The following PHACTR1 variants were observed in gnomAD, a reference collection of about 807,000 sequenced individuals.
PHACTR1 encodes RPEL repeat containing 1.
PHACTR1 carries 16 observed loss-of-function variants against 69.2 expected under a neutral mutation model. The ratio of observed to expected loss-of-function variants is 0.23; its 90% CI spans 0.16 to 0.35. The LOEUF is 0.35. PHACTR1 is among the 10% of genes least tolerant of loss of function. PHACTR1 has a pLI of 1.00. For synonymous variants in PHACTR1, 312 were observed against 284.5 expected, an observed-to-expected ratio of 1.10 and a Z score of -0.97; for missense variants, 510 against 734.7, an observed-to-expected ratio of 0.69 and a Z score of 3.54.
intron 8 of PHACTR1, among the ~76,000 whole-genome samples, chr6:13,212,338 C>T (rs907007870): frequency 6.6e-6 from 1 of 152,152 alleles, no homozygotes. Flanking sequence ...AAGCAAAATC[C>T]TCCCCATGGC....
intron 3 of PHACTR1, among the ~76,000 whole-genome samples, chr6:12,738,416 A>C (rs1168405399): frequency 6.6e-6 from 1 of 152,194 alleles, no homozygotes; most frequent in African/African-American, 2.4e-5. Context: ...TAAGGCCATG[A>C]AAATATCCCA....
rs1193950496 is a variant in PHACTR1, at chr6:12,753,970, A to ATT, written c.250+4189_250+4190dup. 9.3e-3 allele frequency among the ~76,000 whole-genome samples: 1,254 copies of ATT among 134,434 alleles called. 8 individuals are homozygous for ATT. The highest frequency in any genetic ancestry group is 0.062 in the Middle Eastern group (16 of 258). The allele number at this position is 134,434 out of a possible 152,430, so 88.2% of individuals were successfully genotyped here. A position where few individuals can be genotyped will look rare whatever the true frequency, so the allele number is the denominator to read the frequency against. On this transcript the variant is annotated intron_variant, in intron 4 of 14. Coordinates refer to ENST00000332995, the MANE Select transcript of PHACTR1 (RefSeq NM_030948.6). ...TATATATATATATATATATATATAT[A>ATT]TTTTTTTTTTGAGACAGAGTCTCAC...
chr6:13,175,935 G>A (rs953439772), intron 6 of PHACTR1, among the ~76,000 whole-genome samples: 3 of 152,120 alleles, frequency 2.0e-5, no homozygotes, highest in African/African-American at 7.2e-5. Context: ...GAAAGTCTGA[G>A]TCTGGAGTCA....
At chr6:13,002,316 T>A (rs912967230) in intron 4 of PHACTR1, among the ~76,000 whole-genome samples, 1 of 152,234 alleles carries the variant, frequency 6.6e-6, no homozygotes, top group Non-Finnish European at 1.5e-5. Context: ...TGTCCACTTT[T>A]TTTTGGTTAG....
intron 7 of PHACTR1, among the ~76,000 whole-genome samples, chr6:13,204,754 G>T (rs12526983): frequency 6.6e-6 from 1 of 152,048 alleles, no homozygotes; most frequent in Admixed American, 6.5e-5. Context: ...CCCAAGCCAG[G>T]ATCTGCAAAA....
At chr6:12,732,939 A>G (rs1763736068) in intron 3 of PHACTR1, among the ~76,000 whole-genome samples, 1 of 152,224 alleles carries the variant, frequency 6.6e-6, no homozygotes, top group Non-Finnish European at 1.5e-5. Flanking sequence ...TACTAGACAG[A>G]GTCTCTGACT....
At chr6:13,201,102 C>A (rs1386928405) in intron 7 of PHACTR1, among the ~76,000 whole-genome samples, 15 of 152,152 alleles carry the variant, frequency 9.9e-5, no homozygotes, top group Non-Finnish European at 1.9e-4. Flanking sequence ...TCCATCATTG[C>A]CCAGCCTCAG....
At chr6:12,877,180 A>G (rs1245008283) in intron 4 of PHACTR1, among the ~76,000 whole-genome samples, 1 of 152,204 alleles carries the variant, frequency 6.6e-6, no homozygotes. Context: ...GACACGACAC[A>G]TAGAATTAAC....
intron 5 of PHACTR1, among the ~76,000 whole-genome samples, chr6:13,129,367 A>G (rs1463722036): frequency 6.6e-6 from 1 of 152,184 alleles, no homozygotes; most frequent in African/African-American, 2.4e-5. Flanking sequence ...TAATGGCAGA[A>G]TGAATAAAAA....
intron 7 of PHACTR1, among the ~76,000 whole-genome samples, chr6:13,186,041 T>A (rs185176389): frequency 5.4e-4 from 83 of 152,354 alleles, no homozygotes; most frequent in Admixed American, 5.0e-3. Context: ...TAAGAGTCCA[T>A]CTTAGACATG....
At chr6:12,846,142 A>C (rs1205814124) in intron 4 of PHACTR1, among the ~76,000 whole-genome samples, 2 of 152,246 alleles carry the variant, frequency 1.3e-5, no homozygotes, top group Non-Finnish European at 2.9e-5. Flanking sequence ...CTCCACTTGG[A>C]AGGATGACTT....
intron 5 of PHACTR1, among the ~76,000 whole-genome samples, chr6:13,066,640 C>T (rs1808685226): frequency 6.6e-6 from 1 of 152,068 alleles, no homozygotes; most frequent in Admixed American, 6.6e-5. Context: ...TGGGGATTGA[C>T]TGGACTCAGT....
intron 6 of PHACTR1, among the ~76,000 whole-genome samples, chr6:13,161,432 C>T (rs1410050385): frequency 6.6e-5 from 10 of 152,142 alleles, no homozygotes; most frequent in Non-Finnish European, 1.5e-4. Flanking sequence ...CAGACTGTCA[C>T]TTCCAATCTT....
chr6:13,249,254 A>G (rs1320641082), intron 10 of PHACTR1, among the ~76,000 whole-genome samples: 1 of 152,032 alleles, frequency 6.6e-6, no homozygotes, highest in African/African-American at 2.4e-5. Context: ...GCGGCATTAG[A>G]TTCTCAGAAC....
At chr6:13,253,885 C>T (rs537183687) in intron 10 of PHACTR1, among the ~76,000 whole-genome samples, 1 of 152,286 alleles carries the variant, frequency 6.6e-6, no homozygotes, top group African/African-American at 2.4e-5. Flanking sequence ...AGGAAAATGC[C>T]CAATGCCATT....
At chr6:13,272,994 C>T (rs572786688) in intron 11 of PHACTR1, 79 bp downstream of exon 11, 1 of 1,569,710 alleles carries the variant, frequency 6.4e-7, no homozygotes, top group African/African-American at 1.4e-5. Context: ...CACAAGGTTT[C>T]TACCTTGCGC....
intron 4 of PHACTR1, among the ~76,000 whole-genome samples, chr6:12,803,253 C>T (rs1773917633): frequency 6.6e-6 from 1 of 152,166 alleles, no homozygotes; most frequent in African/African-American, 2.4e-5. Flanking sequence ...AGATCTCTGG[C>T]ACCCTTGAGC....
At chr6:12,765,610 C>T (rs1284991373) in intron 4 of PHACTR1, among the ~76,000 whole-genome samples, 1 of 152,102 alleles carries the variant, frequency 6.6e-6, no homozygotes, top group Non-Finnish European at 1.5e-5. Context: ...AGCTCTAGAG[C>T]AAGGAGACAA....
intron 4 of PHACTR1, among the ~76,000 whole-genome samples, chr6:12,952,350 T>C (rs912534912): frequency 6.6e-6 from 1 of 152,120 alleles, no homozygotes; most frequent in Non-Finnish European, 1.5e-5. Context: ...CTGAGCAGAG[T>C]AGTTTCCCTG....
Sources: gnomAD v4.1 joint callset for allele counts (sites outside exome capture counted in the v4.1 genomes callset) on GRCh38, gnomAD v4.1.1 for gene constraint, MANE v1.5 for transcripts, NCBI Gene and HGNC (gene_info 2026-07-23, HGNC 2026-07-21) for gene names.